Variants in CDH12 observed in about 807,000 individuals in gnomAD.
CDH12 encodes the protein cadherin-12.
Under a neutral mutation model 74.1 loss-of-function variants are expected in CDH12, and 41 were observed. The ratio of observed to expected loss-of-function variants is 0.55; its 90% confidence interval spans 0.43 to 0.72. The LOEUF is 0.72. Among genes scored for constraint, CDH12 ranks in the 30% least tolerant of loss-of-function variants. The pLI is 0.00. For missense variants in CDH12, 945 were observed against 977.2 expected, an observed-to-expected ratio of 0.97 and a Z score of 0.44; for synonymous variants, 399 against 355.0, an observed-to-expected ratio of 1.12 and a Z score of -1.39.
At chr5:22,514,600 T>C (rs1014378788) in intron 1 of CDH12, among the ~76,000 whole-genome samples, 1 of 152,216 alleles carries the variant, frequency 6.6e-6, no homozygotes, top group African/African-American at 2.4e-5. Flanking sequence ...ATATCTGTTC[T>C]GAGGATGTAT....
chr5:22,114,183 T>G (rs1024896952), intron 4 of CDH12, among the ~76,000 whole-genome samples: 7 of 152,312 alleles, frequency 4.6e-5, no homozygotes, highest in African/African-American at 1.7e-4. Flanking sequence ...TACTTCCTAT[T>G]ATCAGTTCCC....
chr5:22,492,471 C>T (rs402948), intron 2 of CDH12, among the ~76,000 whole-genome samples: 141,298 of 151,614 alleles, frequency 0.93, 65,958 homozygotes, highest in Admixed American at 0.97. Flanking sequence ...CCTCAACCTC[C>T]CGAGTAGCTG....
chr5:21,798,127 C>T (rs2149917000), intron 10 of CDH12, among the ~76,000 whole-genome samples: 1 of 151,976 alleles, frequency 6.6e-6, no homozygotes, highest in South Asian at 2.1e-4. Flanking sequence ...TTCTAATTAT[C>T]AACAGAACAT....
chr5:21,778,728 T>A (rs1320403856), intron 11 of CDH12, among the ~76,000 whole-genome samples: 3 of 152,010 alleles, frequency 2.0e-5, no homozygotes, highest in Non-Finnish European at 4.4e-5. Flanking sequence ...TAAGAATAGA[T>A]ATCATTCCTA....
At chr5:21,777,966 G>A (rs906972041) in intron 11 of CDH12, among the ~76,000 whole-genome samples, 5 of 152,108 alleles carry the variant, frequency 3.3e-5, no homozygotes, top group African/African-American at 1.2e-4. Flanking sequence ...TATATCCACT[G>A]TCAGAATTTT....
intron 6 of CDH12, among the ~76,000 whole-genome samples, chr5:21,869,562 A>C (rs780077881): frequency 3.9e-5 from 6 of 152,196 alleles, no homozygotes; most frequent in Non-Finnish European, 8.8e-5. Flanking sequence ...TCATCATCAA[A>C]TATAAAATAT....
At chr5:22,809,306 C>A (rs1240653136) in intron 1 of CDH12, among the ~76,000 whole-genome samples, 1 of 151,782 alleles carries the variant, frequency 6.6e-6, no homozygotes, top group African/African-American at 2.4e-5. Flanking sequence ...TGGTAGCAGA[C>A]AAAAGTATAT....
At chr5:22,774,786 C>G (rs944092091) in intron 1 of CDH12, among the ~76,000 whole-genome samples, 9 of 151,914 alleles carry the variant, frequency 5.9e-5, no homozygotes, top group Non-Finnish European at 1.3e-4. Context: ...CAGACTAATA[C>G]AACATGAACA....
intron 5 of CDH12, among the ~76,000 whole-genome samples, chr5:22,008,785 C>T (rs958223): frequency 2.0e-5 from 3 of 152,214 alleles, no homozygotes; most frequent in Admixed American, 1.3e-4. Context: ...TCCTGACCTG[C>T]GACCATTTTA....
At chr5:21,832,640 A>C (rs1749087520) in intron 8 of CDH12, among the ~76,000 whole-genome samples, 2 of 150,296 alleles carry the variant, frequency 1.3e-5, no homozygotes, top group African/African-American at 4.9e-5. Flanking sequence ...GTAGGAATAC[A>C]ATTTTGCATG....
At chr5:22,024,756 C>T (rs1351125674) in intron 5 of CDH12, among the ~76,000 whole-genome samples, 1 of 152,094 alleles carries the variant, frequency 6.6e-6, no homozygotes, top group Non-Finnish European at 1.5e-5. Context: ...TCAAGTGATC[C>T]ACCTGCCTCT....
intron 6 of CDH12, among the ~76,000 whole-genome samples, chr5:21,907,532 T>C (rs1300173161): frequency 6.6e-6 from 1 of 152,166 alleles, no homozygotes; most frequent in Non-Finnish European, 1.5e-5. Flanking sequence ...TAGAAAAGCA[T>C]ATGATTGCCA....
chr5:22,467,551 T>C (rs1745786981), intron 2 of CDH12, among the ~76,000 whole-genome samples: 1 of 152,238 alleles, frequency 6.6e-6, no homozygotes, highest in African/African-American at 2.4e-5. Flanking sequence ...TTCCATCTCT[T>C]GCACTCGAAT....
chr5:21,878,540 G>A (rs1473806179), intron 6 of CDH12, among the ~76,000 whole-genome samples: 1 of 134,410 alleles, frequency 7.4e-6, no homozygotes. Flanking sequence ...ACCAGCCAGG[G>A]CAACATGGTG....
At chr5:21,830,616 T>G (rs1376668732) in intron 8 of CDH12, among the ~76,000 whole-genome samples, 1 of 152,152 alleles carries the variant, frequency 6.6e-6, no homozygotes, top group East Asian at 1.9e-4. Flanking sequence ...TGTAAAAGCT[T>G]TGCATCAGTG....
chr5:22,553,109 T>C (rs1282017687), intron 1 of CDH12, among the ~76,000 whole-genome samples: 1 of 152,152 alleles, frequency 6.6e-6, no homozygotes, highest in Non-Finnish European at 1.5e-5. Flanking sequence ...GGGAATGTTT[T>C]GGAAAATTAC....
intron 3 of CDH12, among the ~76,000 whole-genome samples, chr5:22,320,152 G>C (rs1738807116): frequency 6.6e-6 from 1 of 152,146 alleles, no homozygotes; most frequent in South Asian, 2.1e-4. Flanking sequence ...TCCTGAGAAG[G>C]TGGAAAAATC....
chr5:22,476,248 C>T (rs1303695268), intron 2 of CDH12, among the ~76,000 whole-genome samples: 1 of 152,006 alleles, frequency 6.6e-6, no homozygotes, highest in Non-Finnish European at 1.5e-5. Context: ...GTAATTCATA[C>T]ATATCTGAAT....
intron 1 of CDH12, among the ~76,000 whole-genome samples, chr5:22,650,258 T>C (rs754331459): frequency 6.6e-6 from 1 of 151,974 alleles, no homozygotes; most frequent in South Asian, 2.1e-4. Context: ...CACAGGAAAC[T>C]TCAGAGGGAG....
Sources: allele counts gnomAD v4.1 joint callset (sites outside exome capture counted in the v4.1 genomes callset), GRCh38; gene constraint gnomAD v4.1.1; transcripts MANE v1.5; gene names NCBI Gene and HGNC (gene_info 2026-07-23, HGNC 2026-07-21).